PPHLN1: variants seen among roughly 807,000 people sequenced by gnomAD.
The protein encoded by PPHLN1 is periphilin 1, also known as periphilin-1.
In PPHLN1, 29 loss-of-function variants were observed where a neutral mutation model predicts 51.3. The ratio of observed to expected loss-of-function variants is 0.57; its 90% CI spans 0.42 to 0.77. The LOEUF (loss-of-function observed/expected upper bound fraction) is 0.77, where lower values mean the gene tolerates loss of function less well. Among genes scored for constraint, PPHLN1 ranks in the 30% least tolerant of loss-of-function variants. The pLI, the probability that PPHLN1 is intolerant of heterozygous loss-of-function variation, is 0.00. For synonymous variants in PPHLN1, 147 were observed against 147.8 expected, an observed-to-expected ratio of 0.99 and a Z score of 0.04; for missense variants, 436 against 438.4, an observed-to-expected ratio of 0.99 and a Z score of 0.05.
intron 4 of PPHLN1, among the ~76,000 whole-genome samples, chr12:42,362,965 T>C (rs1230955238): frequency 1.3e-5 from 2 of 152,168 alleles, no homozygotes; most frequent in African/African-American, 2.4e-5. Flanking sequence ...GTAAAAATGG[T>C]GGGTTCCTTA....
intron 2 of PPHLN1, among the ~76,000 whole-genome samples, chr12:42,346,411 T>C (rs982729112): frequency 6.6e-6 from 1 of 152,200 alleles, no homozygotes; most frequent in African/African-American, 2.4e-5. Flanking sequence ...TAAATAGCAG[T>C]ATCTCCCTCT....
At chr12:42,415,547 G>T (rs905982763) in intron 9 of PPHLN1, among the ~76,000 whole-genome samples, 2 of 152,194 alleles carry the variant, frequency 1.3e-5, no homozygotes, top group Non-Finnish European at 2.9e-5. Flanking sequence ...CTAGCTTTAT[G>T]TAGACCCCTC....
intron 9 of PPHLN1, among the ~76,000 whole-genome samples, chr12:42,420,470 AT>A (rs534730099): frequency 0.015 from 2,112 of 142,440 alleles, 50 homozygotes; most frequent in African/African-American, 0.045. Flanking sequence ...TCTCTAAATG[AT>A]TTTTTTTTTT....
At chr12:42,433,555 C>G (rs1017612402) in intron 9 of PPHLN1, among the ~76,000 whole-genome samples, 19 of 152,206 alleles carry the variant, frequency 1.2e-4, no homozygotes, top group African/African-American at 4.3e-4. Context: ...GATCTCCTGA[C>G]CTCGTGATCC....
At chr12:42,337,556 A>T (rs1328323110) in intron 2 of PPHLN1, among the ~76,000 whole-genome samples, 1 of 150,632 alleles carries the variant, frequency 6.6e-6, no homozygotes, top group African/African-American at 2.4e-5. Flanking sequence ...TTGGTCTCCC[A>T]AAGTTCTGGG....
At chr12:42,364,539 G>C (rs931464131) in intron 4 of PPHLN1, among the ~76,000 whole-genome samples, 1 of 152,114 alleles carries the variant, frequency 6.6e-6, no homozygotes, top group African/African-American at 2.4e-5. Context: ...TGGGAGAATT[G>C]CTTGAGCCTG....
At chr12:42,380,456 A>G (rs2076660594) in intron 5 of PPHLN1, among the ~76,000 whole-genome samples, 1 of 152,096 alleles carries the variant, frequency 6.6e-6, no homozygotes, top group Admixed American at 6.5e-5. Flanking sequence ...TACATCTAAG[A>G]GAACTGAAAG....
chr12:42,388,882 C>T (rs986131022), intron 7 of PPHLN1, among the ~76,000 whole-genome samples: 8 of 152,208 alleles, frequency 5.3e-5, no homozygotes, highest in African/African-American at 1.9e-4. Context: ...GTTGAGCCAG[C>T]AGTGAGCTAT....
chr12:42,403,053 A>AG (rs2078978026), intron 9 of PPHLN1, among the ~76,000 whole-genome samples: 1 of 152,244 alleles, frequency 6.6e-6, no homozygotes, highest in Non-Finnish European at 1.5e-5. Flanking sequence ...ATCAGCTTTT[A>AG]GCATATGATG....
intron 9 of PPHLN1, chr12:42,400,220 G>A (rs1190940162): frequency 6.6e-6 from 1 of 151,796 alleles, no homozygotes; most frequent in Non-Finnish European, 1.5e-5. Flanking sequence ...TGTAATCCCA[G>A]CACTTTGGGA....
chr12:42,419,570 A>G (rs949451571), intron 9 of PPHLN1, among the ~76,000 whole-genome samples: 4 of 152,222 alleles, frequency 2.6e-5, no homozygotes, highest in Non-Finnish European at 4.4e-5. Flanking sequence ...ATCTATGGAA[A>G]TTAAAAATTG....
chr12:42,446,565 T>C, downstream of PPHLN1: 1 of 1,612,458 alleles, frequency 6.2e-7, no homozygotes, highest in South Asian at 1.1e-5. Context: ...ATACTCATGT[T>C]TGTCTCTTGT....
At chr12:42,416,719 C>T (rs1227066015) in intron 9 of PPHLN1, among the ~76,000 whole-genome samples, 1 of 152,200 alleles carries the variant, frequency 6.6e-6, no homozygotes. Context: ...AGAGTTAGTA[C>T]AGACCCTACA....
At chr12:42,394,803 A>G (rs1232731696) in intron 8 of PPHLN1, among the ~76,000 whole-genome samples, 1 of 152,086 alleles carries the variant, frequency 6.6e-6, no homozygotes, top group Non-Finnish European at 1.5e-5. Context: ...TCAGTAATAC[A>G]TTTAATTGGA....
intron 9 of PPHLN1, among the ~76,000 whole-genome samples, chr12:42,431,248 A>C (rs2082011129): frequency 6.6e-6 from 1 of 152,198 alleles, no homozygotes; most frequent in Admixed American, 6.5e-5. Context: ...TTCAGTGCAA[A>C]ATATTTTAGA....
At chr12:42,340,306 T>C (rs1302500456) in intron 2 of PPHLN1, among the ~76,000 whole-genome samples, 9 of 136,980 alleles carry the variant, frequency 6.6e-5, no homozygotes, top group African/African-American at 2.5e-4. Flanking sequence ...GGAGAGATCC[T>C]GTCTCAAAAA....
At chr12:42,346,741 C>G (rs1209981376) in intron 2 of PPHLN1, among the ~76,000 whole-genome samples, 1 of 152,144 alleles carries the variant, frequency 6.6e-6, no homozygotes, top group Non-Finnish European at 1.5e-5. Flanking sequence ...TCTCTCATAC[C>G]CTCACCAACA....
downstream of PPHLN1, chr12:42,445,218 C>T: frequency 3.0e-6 from 2 of 673,892 alleles, no homozygotes; most frequent in Admixed American, 4.3e-5. Flanking sequence ...AGCAGACCTG[C>T]AGGTTATGAT....
intron 9 of PPHLN1, among the ~76,000 whole-genome samples, chr12:42,425,044 A>G (rs2081318942): frequency 6.7e-6 from 1 of 148,506 alleles, no homozygotes; most frequent in Non-Finnish European, 1.5e-5. Context: ...TATTTTATGT[A>G]TGTATGTATG....
Sources: allele counts gnomAD v4.1 joint callset (sites outside exome capture counted in the v4.1 genomes callset), GRCh38; gene constraint gnomAD v4.1.1; transcripts MANE v1.5; gene names NCBI Gene and HGNC (gene_info 2026-07-23, HGNC 2026-07-21).